SLC37A3: variants seen among roughly 807,000 people sequenced by gnomAD.
SLC37A3 encodes solute carrier family 37 member 3.
SLC37A3 carries 51 observed loss-of-function variants against 67.1 expected under a neutral mutation model. The ratio of observed to expected loss-of-function variants is 0.76; its 90% CI spans 0.61 to 0.96. The LOEUF is 0.96. SLC37A3 is among the 40% of genes least tolerant of loss of function. SLC37A3 has a pLI of 0.00. For missense variants in SLC37A3, 508 were observed against 603.0 expected, an observed-to-expected ratio of 0.84 and a Z score of 1.65; for synonymous variants, 214 against 231.4, an observed-to-expected ratio of 0.92 and a Z score of 0.68.
At chr7:140,392,371 A>C (rs1284005047) in intron 1 of SLC37A3, among the ~76,000 whole-genome samples, 3 of 152,012 alleles carry the variant, frequency 2.0e-5, no homozygotes, top group Non-Finnish European at 4.4e-5. Context: ...CCAACCCATT[A>C]CTAAATCCAG....
At chr7:140,373,675 T>C (rs1324121469) in intron 3 of SLC37A3, among the ~76,000 whole-genome samples, 5 of 123,420 alleles carry the variant, frequency 4.1e-5, no homozygotes, top group African/African-American at 1.6e-4. Context: ...AACTTTTTTT[T>C]TCTTTTTTTT....
At chr7:140,341,807 A>G (rs1157021993) in intron 13 of SLC37A3, among the ~76,000 whole-genome samples, 1 of 152,186 alleles carries the variant, frequency 6.6e-6, no homozygotes, top group Non-Finnish European at 1.5e-5. Flanking sequence ...ATTCGTAAGG[A>G]AGGATAACTT....
At position 140,380,389 on chromosome 7, in the gene SLC37A3, A is replaced by G; in HGVS notation, c.91T>C (p.Tyr31His). The G allele has an allele frequency of 1.2e-6, 2 of 1,607,490 alleles. No individual in the cohort carries two copies. The highest frequency in any genetic ancestry group is 4.5e-5 in the East Asian group (2 of 44,832). Residue 31 changes from tyrosine (Y) to histidine (H), a missense_variant and splice_region_variant, in exon 3 of 15, where the codon TAT becomes CAT. Tyr to His is a moderately conservative substitution (Grantham distance 83). Coordinates refer to ENST00000326232, the MANE Select transcript of SLC37A3 (RefSeq NM_207113.3). Reference sequence around the variant, plus strand: ...TTTCGTGAAGCATGGAGCAACGAATAACTACAAAATAGAGAGAATACAGAT... The same window carrying G: ...TTTCGTGAAGCATGGAGCAACGAATGACTACAAAATAGAGAGAATACAGAT... ...VVVFLLTFFSYSLLHASRKTF... is the reference protein window; with the variant it reads ...VVVFLLTFFSHSLLHASRKTF...
intron 14 of SLC37A3, among the ~76,000 whole-genome samples, chr7:140,336,240 C>T (rs534939077): frequency 6.6e-6 from 1 of 152,136 alleles, no homozygotes; most frequent in Non-Finnish European, 1.5e-5. Context: ...GGTGAAACCA[C>T]CTCTAGGAAA....
At chr7:140,351,028 G>C (rs1796772540) in intron 9 of SLC37A3, among the ~76,000 whole-genome samples, 1 of 152,170 alleles carries the variant, frequency 6.6e-6, no homozygotes, top group Non-Finnish European at 1.5e-5. Context: ...AGTTGGGGGA[G>C]AGACTGGATG....
chr7:140,380,435 C>T, intron 2 of SLC37A3, 45 bp from the exon 3 acceptor site: 1 of 1,359,252 alleles, frequency 7.4e-7, no homozygotes, highest in Non-Finnish European at 1.0e-6. Flanking sequence ...CAAAGAGAAA[C>T]AGCATTCAAT....
chr7:140,372,381 T>C (rs375309115), intron 3 of SLC37A3, among the ~76,000 whole-genome samples: 3 of 152,222 alleles, frequency 2.0e-5, no homozygotes, highest in African/African-American at 7.2e-5. Flanking sequence ...AAGGTCAAAA[T>C]TCTTTGCACC....
At chr7:140,347,414 C>T (rs1796608127) in intron 10 of SLC37A3, among the ~76,000 whole-genome samples, 1 of 152,162 alleles carries the variant, frequency 6.6e-6, no homozygotes, top group Non-Finnish European at 1.5e-5. Context: ...GGCTATTGGA[C>T]ATCTGGTGTG....
At position 140,362,295 on chromosome 7, in the gene SLC37A3, G is replaced by A. The variant is rs1164738216; in HGVS notation, c.375+2113C>T. On this transcript the variant is annotated intron_variant, in intron 5 of 14. Transcript: ENST00000326232. ...TGCCCGGCCGCCCCGTCTGAGAAGT[G>A]AGGAAACCCTCTGCCTGGCAACCGC... is the stretch of plus-strand genomic sequence containing the variant. Among the ~76,000 whole-genome samples, 3 of 139,274 alleles carry A rather than the reference G, an allele frequency of 2.2e-5. No individual in the cohort carries two copies. The East Asian group carries it at 6.9e-4, about 32-fold the overall frequency. 91.4% of individuals were successfully genotyped at this position (139,274 alleles called of 152,430 possible).
Position 140,361,530 on chromosome 7 carries a change from C to CGT in SLC37A3, c.376-2746_376-2745insAC, listed in dbSNP as rs1563027358. Among the ~76,000 whole-genome samples the CGT allele has an allele frequency of 2.9e-3, 305 of 105,600 alleles. 45 individuals are homozygous for CGT. The South Asian group carries it at 0.059, about 20-fold the overall frequency. 69.3% of individuals were successfully genotyped at this position (105,600 alleles called of 152,430 possible). On this transcript the variant is annotated intron_variant, in intron 5 of 14. Transcript: ENST00000326232. ...CCCTCCCCCTCCCCCTCCCCCTCCC[C>CGT]CTCCCTCTCTCCCTCTCCGTCTCCC... is the stretch of plus-strand genomic sequence containing the variant.
At chr7:140,356,759 C>T (rs1331271764) in intron 6 of SLC37A3, among the ~76,000 whole-genome samples, 1 of 152,094 alleles carries the variant, frequency 6.6e-6, no homozygotes, top group Non-Finnish European at 1.5e-5. Flanking sequence ...AAATTAAAGT[C>T]ACAATGCGAT....
At chr7:140,389,172 C>T (rs10231057) in intron 1 of SLC37A3, among the ~76,000 whole-genome samples, 103,510 of 152,006 alleles carry the variant, frequency 0.68, 35,483 homozygotes, top group East Asian at 0.8. Flanking sequence ...CAGTCTGCCT[C>T]TGCAGGACTA....
intron 5 of SLC37A3, among the ~76,000 whole-genome samples, chr7:140,361,057 C>T (rs1585300287): frequency 6.6e-6 from 1 of 152,084 alleles, no homozygotes; most frequent in African/African-American, 2.4e-5. Context: ...AGCTCAGAAG[C>T]GGGACTGACA....
At chr7:140,366,139 T>C (rs1797592971) in intron 4 of SLC37A3, among the ~76,000 whole-genome samples, 1 of 151,886 alleles carries the variant, frequency 6.6e-6, no homozygotes, top group Non-Finnish European at 1.5e-5. Flanking sequence ...AGTTTGGTCT[T>C]GAAGTATTGG....
At chr7:140,365,346 G>C (rs1477642720) in intron 4 of SLC37A3, among the ~76,000 whole-genome samples, 1 of 152,068 alleles carries the variant, frequency 6.6e-6, no homozygotes, top group Non-Finnish European at 1.5e-5. Context: ...TGTAATCCTA[G>C]CACTTTGGGA....
intron 3 of SLC37A3, among the ~76,000 whole-genome samples, chr7:140,373,948 CAGA>C (rs1409347244): frequency 2.6e-5 from 4 of 152,074 alleles, no homozygotes; most frequent in Non-Finnish European, 5.9e-5. Flanking sequence ...AGTCATTTTT[CAGA>C]AGATGTTATT....
intron 3 of SLC37A3, among the ~76,000 whole-genome samples, chr7:140,375,656 T>A (rs1198145904): frequency 1.3e-5 from 2 of 152,122 alleles, no homozygotes; most frequent in Admixed American, 1.3e-4. Context: ...GCTTACGAAC[T>A]ACGAAAGAAT....
At chr7:140,351,248 G>C (rs750570040) in intron 9 of SLC37A3, 25 bp downstream of exon 9, 1 of 1,600,240 alleles carries the variant, frequency 6.2e-7, no homozygotes, top group African/African-American at 1.3e-5. Context: ...CTCCCTGGCT[G>C]TGGTAAGATG....
intron 10 of SLC37A3, among the ~76,000 whole-genome samples, chr7:140,346,287 G>A (rs1009325944): frequency 1.3e-5 from 2 of 152,130 alleles, no homozygotes; most frequent in African/African-American, 2.4e-5. Context: ...GGCTGAGGCA[G>A]GAGAATGGTG....
Sources: gnomAD v4.1 joint callset for allele counts (sites outside exome capture counted in the v4.1 genomes callset) on GRCh38, gnomAD v4.1.1 for gene constraint, MANE v1.5 for transcripts, NCBI Gene and HGNC (gene_info 2026-07-23, HGNC 2026-07-21) for gene names.